Variants in ATXN7 observed in about 807,000 individuals in gnomAD.
ATXN7 encodes ataxin-7.
A neutral mutation model predicts 70.5 loss-of-function variants in ATXN7; 12 were observed. The ratio of observed to expected loss-of-function variants is 0.17; its 90% confidence interval spans 0.11 to 0.28. ATXN7 has a LOEUF of 0.28. Ranked by LOEUF, ATXN7 falls within the 10% of genes least tolerant of loss-of-function variation. The pLI is 1.00. For synonymous variants in ATXN7, 498 were observed against 448.7 expected (o/e 1.11, Z -1.39); for missense variants, 1,256 against 1,131.7 (o/e 1.11, Z -1.58).
chr3:63,974,627 C>T (rs952333497), intron 5 of ATXN7, among the ~76,000 whole-genome samples: 1 of 152,214 alleles, frequency 6.6e-6, no homozygotes, highest in African/African-American at 2.4e-5. Context: ...ATAGTATCTA[C>T]TTTGTTAGAA....
chr3:63,866,489 C>T (rs566592134), intron 1 of ATXN7, among the ~76,000 whole-genome samples: 1 of 152,138 alleles, frequency 6.6e-6, no homozygotes, highest in Admixed American at 6.5e-5. Flanking sequence ...CTGCTGGGCT[C>T]AAGCGATCCT....
chr3:63,947,638 C>A (rs533276869), intron 4 of ATXN7, among the ~76,000 whole-genome samples: 1 of 152,088 alleles, frequency 6.6e-6, no homozygotes, highest in South Asian at 2.1e-4. Flanking sequence ...CCCAAGGTCA[C>A]GTTTCTTTTG....
At chr3:63,863,466 C>T (rs1325550651), upstream of ATXN7, 1 of 1,156,754 alleles carries the variant, frequency 8.6e-7, no homozygotes, top group East Asian at 4.0e-5. Flanking sequence ...CGGCCACCCA[C>T]GTGTGTTCCC....
chr3:63,904,913 T>A (rs1703782423), intron 2 of ATXN7: 1 of 152,254 alleles, frequency 6.6e-6, no homozygotes, highest in Non-Finnish European at 1.5e-5. Context: ...TGTTCTTTTG[T>A]TGTTGTTTAT....
At chr3:63,950,128 T>C (rs2074930751) in intron 4 of ATXN7, among the ~76,000 whole-genome samples, 1 of 151,660 alleles carries the variant, frequency 6.6e-6, no homozygotes, top group Non-Finnish European at 1.5e-5. Flanking sequence ...CCCTATCTTT[T>C]TAGTTTTACT....
intron 4 of ATXN7, among the ~76,000 whole-genome samples, chr3:63,939,734 C>CA (rs796433455): frequency 3.3e-5 from 5 of 152,280 alleles, no homozygotes; most frequent in African/African-American, 1.2e-4. Context: ...CTCTCCTCCC[C>CA]AACTCCACAG....
intron 1 of ATXN7, among the ~76,000 whole-genome samples, chr3:63,873,093 A>G (rs1159591948): frequency 1.3e-5 from 2 of 152,310 alleles, no homozygotes; most frequent in African/African-American, 4.8e-5. Context: ...TGAATTTTGT[A>G]TTCTACTCTA....
intron 4 of ATXN7, among the ~76,000 whole-genome samples, chr3:63,921,947 T>G (rs1028128865): frequency 2.6e-5 from 4 of 152,196 alleles, no homozygotes; most frequent in African/African-American, 9.7e-5. Context: ...CAGTTTTGCT[T>G]TAGCACACAA....
chr3:63,987,022 C>T (rs1381104412), intron 8 of ATXN7, among the ~76,000 whole-genome samples: 1 of 152,164 alleles, frequency 6.6e-6, no homozygotes, highest in African/African-American at 2.4e-5. Flanking sequence ...CATCTCCTTG[C>T]ATTTTTACAG....
chr3:63,891,206 C>T (rs930781177), intron 1 of ATXN7, among the ~76,000 whole-genome samples: 1 of 151,810 alleles, frequency 6.6e-6, no homozygotes, highest in Admixed American at 6.6e-5. Flanking sequence ...GATGGGGTTT[C>T]ACCTTGTTGG....
rs529226400 is a variant in ATXN7, at chr3:63,912,988, C to A, written c.325+65C>A. The A allele has an allele frequency of 1.9e-5, 27 of 1,392,514 alleles. No individual in the cohort carries two copies. The South Asian group carries it at 2.9e-4, about 15-fold the overall frequency. The allele number at this position is 1,392,514 out of a possible 1,614,324, so 86.3% of individuals were successfully genotyped here. ...GACCCCCTCCTCTCTCCTCCCCTCC[C>A]CCCTGCCCCCCTCCTGTGACCCGCC... On this transcript the variant is annotated intron_variant, in intron 3 of 12. Transcript: ENST00000674280.
At chr3:63,925,224 G>C (rs1447646947) in intron 4 of ATXN7, among the ~76,000 whole-genome samples, 1 of 152,152 alleles carries the variant, frequency 6.6e-6, no homozygotes, top group Non-Finnish European at 1.5e-5. Flanking sequence ...GAAGAGTTTT[G>C]TCTTCCTTTT....
At chr3:63,927,895 A>G (rs1704779931) in intron 4 of ATXN7, among the ~76,000 whole-genome samples, 1 of 152,102 alleles carries the variant, frequency 6.6e-6, no homozygotes, top group Non-Finnish European at 1.5e-5. Context: ...GGCAGCTGCG[A>G]TGGCTATTTC....
intron 12 of ATXN7, chr3:63,999,073 C>G: frequency 4.5e-6 from 1 of 223,842 alleles, no homozygotes; most frequent in Non-Finnish European, 9.1e-6. Context: ...AGCCCTTGAC[C>G]TTGTTCCCTT....
chr3:63,930,202 G>A (rs1704894457), intron 4 of ATXN7, among the ~76,000 whole-genome samples: 1 of 152,182 alleles, frequency 6.6e-6, no homozygotes, highest in Non-Finnish European at 1.5e-5. Flanking sequence ...CCTGTTCAGA[G>A]ACAGATTTTC....
At chr3:63,998,404 CTCT>C (rs1401393023) in intron 12 of ATXN7, 14 of 984,836 alleles carry the variant, frequency 1.4e-5, no homozygotes, top group East Asian at 2.3e-4. Flanking sequence ...ACTTTTTTTT[CTCT>C]TCTTAAATCT....
intron 4 of ATXN7, among the ~76,000 whole-genome samples, chr3:63,937,145 T>G (rs781165704): frequency 1.3e-4 from 20 of 152,216 alleles, no homozygotes; most frequent in Non-Finnish European, 2.2e-4. Context: ...TGCAGAGATA[T>G]GGCCATGTAA....
intron 5 of ATXN7, chr3:63,968,474 T>G (rs886118581): frequency 2.0e-5 from 3 of 152,540 alleles, no homozygotes; most frequent in African/African-American, 7.2e-5. Context: ...TAAGTGAGGT[T>G]TCATGACAGG....
In ATXN7 at chr3:64,000,252, A is replaced by G. The variant is rs983891318; in HGVS notation, c.*785A>G. On this transcript the variant is annotated 3_prime_UTR_variant, in exon 13 of 13. Coordinates refer to ENST00000674280, the MANE Select transcript of ATXN7 (RefSeq NM_001377405.1). ...TTTAAGAAGAAAGAAAATGCAAGCTAGTTTTGAGAAAGGAAGGCCAAATTG... is the reference window on the plus strand; with the variant it reads ...TTTAAGAAGAAAGAAAATGCAAGCTGGTTTTGAGAAAGGAAGGCCAAATTG... 5.4e-5 allele frequency: 7 copies of G among 130,732 alleles called. No individual in the cohort carries two copies. The East Asian group carries it at 8.2e-4, about 15-fold the overall frequency. The allele number at this position is 130,732 out of a possible 1,614,324, so 8.1% of individuals were successfully genotyped here. A position where few individuals can be genotyped will look rare whatever the true frequency, so the allele number is the denominator to read the frequency against.
Sources: allele counts gnomAD v4.1 joint callset (sites outside exome capture counted in the v4.1 genomes callset), GRCh38; gene constraint gnomAD v4.1.1; transcripts MANE v1.5; gene names NCBI Gene and HGNC (gene_info 2026-07-23, HGNC 2026-07-21).